FAM83B: variants seen among roughly 807,000 people sequenced by gnomAD.
FAM83B encodes the protein scaffolding CK1 anchoring protein B, also known as protein FAM83B.
In FAM83B, 26 loss-of-function variants were observed where a neutral mutation model predicts 38.8. That is an observed-to-expected ratio of 0.67 (90% CI 0.49 to 0.93). FAM83B has a LOEUF of 0.93. Ranked by LOEUF, FAM83B falls within the 40% of genes least tolerant of loss-of-function variation. FAM83B has a pLI of 0.00. For missense variants in FAM83B, 1,237 were observed against 1,197.3 expected (o/e 1.03, Z -0.49); for synonymous variants, 419 against 423.1 (o/e 0.99, Z 0.12).
chr6:54,850,037 CT>C (rs1264706057), intron 1 of FAM83B, among the ~76,000 whole-genome samples: 2 of 152,178 alleles, frequency 1.3e-5, no homozygotes, highest in African/African-American at 4.8e-5. Context: ...CAATATGTTC[CT>C]CTCCAGGGGT....
chr6:54,868,619 T>C (rs969900702), intron 1 of FAM83B, among the ~76,000 whole-genome samples: 1 of 152,094 alleles, frequency 6.6e-6, no homozygotes, highest in Non-Finnish European at 1.5e-5. Flanking sequence ...TTGCAAAACT[T>C]CACCATTATA....
At chr6:54,881,286 A>G (rs1302184890) in intron 2 of FAM83B, among the ~76,000 whole-genome samples, 1 of 152,226 alleles carries the variant, frequency 6.6e-6, no homozygotes, top group Non-Finnish European at 1.5e-5. Flanking sequence ...CAGTGCTGAT[A>G]TGGTGAGAGT....
intron 4 of FAM83B, among the ~76,000 whole-genome samples, chr6:54,931,564 A>G (rs1773420499): frequency 6.6e-6 from 1 of 151,814 alleles, no homozygotes; most frequent in African/African-American, 2.4e-5. Flanking sequence ...TATCTCTTAT[A>G]AGTTTTTTAT....
intron 2 of FAM83B, among the ~76,000 whole-genome samples, chr6:54,899,205 A>G (rs917308851): frequency 2.6e-5 from 4 of 152,202 alleles, no homozygotes; most frequent in Non-Finnish European, 5.9e-5. Context: ...TAAATAGATA[A>G]AGTAGAAATT....
At chr6:54,866,850 T>C (rs1771718419) in intron 1 of FAM83B, among the ~76,000 whole-genome samples, 1 of 152,154 alleles carries the variant, frequency 6.6e-6, no homozygotes, top group Non-Finnish European at 1.5e-5. Context: ...AAACTGTTTT[T>C]CCAGAGCAGC....
intron 4 of FAM83B, 54 bp from the exon 5 acceptor site, chr6:54,939,652 A>G: frequency 6.9e-7 from 1 of 1,448,700 alleles, no homozygotes; most frequent in Non-Finnish European, 9.3e-7. Context: ...TAGTAGAACT[A>G]TATGTTATTA....
chr6:54,891,323 G>A (rs924806191), intron 2 of FAM83B, among the ~76,000 whole-genome samples: 2 of 140,200 alleles, frequency 1.4e-5, no homozygotes, highest in Non-Finnish European at 3.1e-5. Flanking sequence ...TCCTCTGTAA[G>A]TAGTTTGCCT....
chr6:54,910,847 A>C (rs193194431), intron 2 of FAM83B, among the ~76,000 whole-genome samples: 1 of 151,754 alleles, frequency 6.6e-6, no homozygotes, highest in African/African-American at 2.4e-5. Context: ...CTGTGTGCAG[A>C]CTACATTCTT....
chr6:54,853,392 A>T (rs1771360328), intron 1 of FAM83B, among the ~76,000 whole-genome samples: 1 of 152,196 alleles, frequency 6.6e-6, no homozygotes, highest in Admixed American at 6.5e-5. Context: ...TAGAGAGGGG[A>T]AGTCAATGCC....
intron 1 of FAM83B, among the ~76,000 whole-genome samples, chr6:54,862,306 C>T (rs928728235): frequency 6.6e-6 from 1 of 152,088 alleles, no homozygotes; most frequent in Non-Finnish European, 1.5e-5. Context: ...CACAGTGGGT[C>T]ACAGGAGGAG....
chr6:54,934,119 AGG>A (rs1395991308), intron 4 of FAM83B, among the ~76,000 whole-genome samples: 2 of 152,138 alleles, frequency 1.3e-5, no homozygotes, highest in Admixed American at 6.6e-5. Flanking sequence ...TGGGGTACGT[AGG>A]GCTTGTAACT....
intron 2 of FAM83B, among the ~76,000 whole-genome samples, chr6:54,923,342 A>G (rs1458098253): frequency 6.6e-6 from 1 of 152,064 alleles, no homozygotes; most frequent in Non-Finnish European, 1.5e-5. Flanking sequence ...TATCAAACTT[A>G]AAGCCCATGA....
chr6:54,941,797 G>A lies in FAM83B; in HGVS notation c.2826G>A (p.Lys942=). 6.2e-7 allele frequency: 1 copy of A among 1,613,260 alleles called. No homozygotes were observed. Among genetic ancestry groups the A allele is most frequent in the Non-Finnish European group, 8.5e-7 (1 of 1,179,512 alleles). Residue 942 remains lysine (K), a synonymous_variant, in exon 5 of 5, where the codon AAG becomes AAA. Transcript: ENST00000306858. ...RVYSRFEPFC[K]IESSIQPTSN... is the part of the protein sequence containing the mutation. ...ACAGTCGTTTTGAGCCGTTTTGTAA[G>A]ATTGAGAGCTCTATTCAGCCAACAA...
chr6:54,859,222 C>T (rs959350219), intron 1 of FAM83B, among the ~76,000 whole-genome samples: 2 of 152,032 alleles, frequency 1.3e-5, no homozygotes, highest in East Asian at 1.9e-4. Flanking sequence ...CCACCATGCC[C>T]AGCTAACTTT....
intron 2 of FAM83B, among the ~76,000 whole-genome samples, chr6:54,916,828 T>C (rs1241871310): frequency 6.6e-6 from 1 of 152,194 alleles, no homozygotes; most frequent in Non-Finnish European, 1.5e-5. Context: ...CTTCTACATT[T>C]TTCTACTGAA....
intron 2 of FAM83B, among the ~76,000 whole-genome samples, chr6:54,925,338 C>T (rs892506409): frequency 1.3e-5 from 2 of 152,070 alleles, no homozygotes; most frequent in African/African-American, 4.8e-5. Context: ...TGTCTTCCCC[C>T]ACTAGAATGT....
At chr6:54,881,831 G>C (rs753243373) in intron 2 of FAM83B, among the ~76,000 whole-genome samples, 1 of 152,148 alleles carries the variant, frequency 6.6e-6, no homozygotes, top group Non-Finnish European at 1.5e-5. Context: ...TGTTACATAT[G>C]TATACATGTG....
At chr6:54,889,625 G>A (rs1184698083) in intron 2 of FAM83B, among the ~76,000 whole-genome samples, 1 of 152,076 alleles carries the variant, frequency 6.6e-6, no homozygotes, top group Non-Finnish European at 1.5e-5. Flanking sequence ...AGCAAGTGCT[G>A]TGTAAATATT....
chr6:54,941,914 C>T lies in FAM83B; in HGVS notation c.2943C>T (p.Tyr981=). The stretch of plus-strand genomic sequence containing the variant: ...GCAGGTCTAGTCCATTGCTTAATTA[C>T]AACACTGGTGTTTATCGCTCATATC... ...SYGRSSPLLN[Y]NTGVYRSYQP... is the part of the protein sequence containing the mutation. The change falls in exon 5 of 5, where the codon TAC becomes TAT. Residue 981 remains tyrosine (Y), a synonymous_variant. Transcript: ENST00000306858. 2 of 1,613,984 alleles carry T rather than the reference C, an allele frequency of 1.2e-6. No homozygotes were observed. The highest frequency in any genetic ancestry group is 1.7e-6 in the Non-Finnish European group (2 of 1,179,990).
Sources: gnomAD v4.1 joint callset for allele counts (sites outside exome capture counted in the v4.1 genomes callset) on GRCh38, gnomAD v4.1.1 for gene constraint, MANE v1.5 for transcripts, NCBI Gene and HGNC (gene_info 2026-07-23, HGNC 2026-07-21) for gene names.